Variants in ANKRD30BL observed in about 807,000 individuals in gnomAD.
ANKRD30BL encodes the protein putative ankyrin repeat domain-containing protein 30B-like.
Under a neutral mutation model 18.4 loss-of-function variants are expected in ANKRD30BL, and 20 were observed. The ratio of observed to expected loss-of-function variants is 1.09; its 90% CI spans 0.77 to 1.58. The LOEUF (loss-of-function observed/expected upper bound fraction) is 1.58, where lower values mean the gene tolerates loss of function less well. Ranked by LOEUF, ANKRD30BL falls within the 40% of genes most tolerant of loss-of-function variation. The pLI, the probability that ANKRD30BL is intolerant of heterozygous loss-of-function variation, is 0.00. For missense variants in ANKRD30BL, 224 were observed against 268.6 expected, an observed-to-expected ratio of 0.83 and a Z score of 1.16; for synonymous variants, 72 against 100.9, an observed-to-expected ratio of 0.71 and a Z score of 1.72.
chr2:132,165,805 A>G (rs199997262), upstream of ANKRD30BL, among the ~76,000 whole-genome samples: 1 of 150,122 alleles, frequency 6.7e-6, no homozygotes, highest in Non-Finnish European at 1.5e-5. Context: ...AACTATGGGC[A>G]TAAGAAATTG....
intron 1 of ANKRD30BL, among the ~76,000 whole-genome samples, chr2:132,224,913 ACT>A (rs1679800066): frequency 1.3e-5 from 2 of 150,844 alleles, no homozygotes; most frequent in African/African-American, 2.4e-5. Flanking sequence ...GGTTTGAAAC[ACT>A]CTTTGCAGAA....
At chr2:132,249,325 A>C (rs1044385413) in intron 1 of ANKRD30BL, among the ~76,000 whole-genome samples, 4 of 152,162 alleles carry the variant, frequency 2.6e-5, no homozygotes, top group Non-Finnish European at 5.9e-5. Flanking sequence ...ATAAGCCTGA[A>C]AGTGTTCACA....
intron 1 of ANKRD30BL, among the ~76,000 whole-genome samples, chr2:132,198,176 A>G (rs1453558963): frequency 6.6e-6 from 1 of 151,716 alleles, no homozygotes; most frequent in Non-Finnish European, 1.5e-5. Flanking sequence ...ATTGTTTTGC[A>G]ATTGTATAGT....
At chr2:132,228,080 A>G (rs1679895173) in intron 1 of ANKRD30BL, among the ~76,000 whole-genome samples, 1 of 152,094 alleles carries the variant, frequency 6.6e-6, no homozygotes, top group Non-Finnish European at 1.5e-5. Flanking sequence ...TATGGTGGAA[A>G]AGGAAATATC....
intron 1 of ANKRD30BL, among the ~76,000 whole-genome samples, chr2:132,236,798 T>A (rs1187289661): frequency 6.6e-6 from 1 of 151,942 alleles, no homozygotes; most frequent in African/African-American, 2.4e-5. Context: ...GGACTATAAA[T>A]CATGCTGCTA....
chr2:132,210,669 T>A (rs1432295296), intron 1 of ANKRD30BL, among the ~76,000 whole-genome samples: 4 of 151,558 alleles, frequency 2.6e-5, no homozygotes, highest in Non-Finnish European at 5.9e-5. Context: ...AGCAAGTGGA[T>A]ATTTGGAGGG....
At chr2:132,167,272 TTATTTTTA>T (rs1688203500) in intron 1 of ANKRD30BL, among the ~76,000 whole-genome samples, 1 of 148,832 alleles carries the variant, frequency 6.7e-6, no homozygotes, top group Non-Finnish European at 1.5e-5. Flanking sequence ...TTACATTCAT[TTATTTTTA>T]TTTTATTTTA....
At chr2:132,247,919 A>T (rs1297295499) in intron 1 of ANKRD30BL, among the ~76,000 whole-genome samples, 4 of 152,218 alleles carry the variant, frequency 2.6e-5, no homozygotes, top group African/African-American at 4.8e-5. Context: ...TCTAGTTTTT[A>T]TGTGAAGATA....
intron 1 of ANKRD30BL, among the ~76,000 whole-genome samples, chr2:132,217,301 C>G (rs1679532608): frequency 6.6e-6 from 1 of 151,950 alleles, no homozygotes. Context: ...TCAGAAACTT[C>G]TTTGTGCTGT....
At chr2:132,222,183 T>C (rs1213093275) in intron 1 of ANKRD30BL, among the ~76,000 whole-genome samples, 247 of 103,630 alleles carry the variant, frequency 2.4e-3, no homozygotes, top group African/African-American at 4.0e-3. Flanking sequence ...CCCCTCTGCC[T>C]GGCCAGCCGC....
At chr2:132,204,227 A>G (rs1255587058) in intron 1 of ANKRD30BL, among the ~76,000 whole-genome samples, 1 of 151,986 alleles carries the variant, frequency 6.6e-6, no homozygotes. Flanking sequence ...TGTATCTTTG[A>G]AGGAACATAA....
At chr2:132,217,752 GT>G (rs1483582226) in intron 1 of ANKRD30BL, among the ~76,000 whole-genome samples, 1 of 152,286 alleles carries the variant, frequency 6.6e-6, no homozygotes, top group Non-Finnish European at 1.5e-5. Context: ...CCAGTTTGAG[GT>G]CTTCATTGGA....
intron 1 of ANKRD30BL, among the ~76,000 whole-genome samples, chr2:132,198,341 TTAG>T (rs1679017816): frequency 7.9e-6 from 1 of 125,994 alleles, no homozygotes; most frequent in African/African-American, 3.1e-5. Flanking sequence ...TTTTTTTTTT[TTAG>T]ACAGAGTCTC....
chr2:132,221,929 C>A (rs1223046345), intron 1 of ANKRD30BL, among the ~76,000 whole-genome samples: 1 of 131,208 alleles, frequency 7.6e-6, no homozygotes, highest in Non-Finnish European at 1.6e-5. Flanking sequence ...GGGGATCAGC[C>A]CCCCGCCTGG....
At position 132,231,631 on chromosome 2, in the gene ANKRD30BL, C is replaced by T. The variant is rs192604879; in HGVS notation, n.441+25898G>A. On this transcript the variant is annotated intron_variant and non_coding_transcript_variant, in intron 1 of 4. Transcript: ENST00000470729. The stretch of plus-strand genomic sequence containing the variant: ...CACCCGAATATAGCGCTTTTCGGAC[C>T]GGCTTAAAAAACGGCACACCACGAG... Among the ~76,000 whole-genome samples, 20 of 152,248 alleles carry T rather than the reference C, an allele frequency of 1.3e-4. No individual in the cohort carries two copies. The East Asian group carries it at 1.4e-3, about 10-fold the overall frequency.
intron 1 of ANKRD30BL, among the ~76,000 whole-genome samples, chr2:132,160,401 C>CTTTTTTTTT (rs33924872): frequency 5.0e-4 from 49 of 97,566 alleles, no homozygotes; most frequent in African/African-American, 2.0e-3. Flanking sequence ...ACGCCTGGCC[C>CTTTTTTTTT]TTTTTTTTTT....
intron 1 of ANKRD30BL, among the ~76,000 whole-genome samples, chr2:132,198,660 C>T (rs546006257): frequency 2.6e-5 from 4 of 151,218 alleles, no homozygotes; most frequent in South Asian, 2.1e-4. Flanking sequence ...CTCTGTTGCC[C>T]CAGGCTGCAG....
rs547470650 is a variant in ANKRD30BL at position 132,256,659 on chromosome 2, C to T, written n.441+870G>A. On this transcript the variant is annotated intron_variant and non_coding_transcript_variant, in intron 1 of 4. Transcript: ENST00000470729. Reference sequence around the variant, plus strand: ...CACTGTCGCGGCCAGCCCCCTGAACCCTCTTCCCTGCACACACTGCTGGCC... The same window carrying T: ...CACTGTCGCGGCCAGCCCCCTGAACTCTCTTCCCTGCACACACTGCTGGCC... Among the ~76,000 whole-genome samples the T allele has an allele frequency of 9.5e-4, 145 of 152,350 alleles. 1 individual carries two copies. The highest frequency in any genetic ancestry group is 3.5e-3 in the African/African-American group (145 of 41,596).
chr2:132,222,044 G>T (rs1199371711), intron 1 of ANKRD30BL, among the ~76,000 whole-genome samples: 2 of 84,830 alleles, frequency 2.4e-5, no homozygotes, highest in African/African-American at 8.9e-5. Flanking sequence ...GGAGGGAGGC[G>T]GGGGGGGGGG....
Sources: allele counts gnomAD v4.1 joint callset (sites outside exome capture counted in the v4.1 genomes callset), GRCh38; gene constraint gnomAD v4.1.1; transcripts MANE v1.5; gene names NCBI Gene and HGNC (gene_info 2026-07-23, HGNC 2026-07-21).